The following CDK14 variants were observed in gnomAD, a reference collection of about 807,000 sequenced individuals.
CDK14 encodes cyclin dependent kinase 14, also known as cyclin-dependent kinase 14.
A neutral mutation model predicts 60.7 loss-of-function variants in CDK14; 34 were observed. The ratio of observed to expected loss-of-function variants is 0.56; its 90% CI spans 0.43 to 0.75. The LOEUF (loss-of-function observed/expected upper bound fraction) is 0.75. CDK14 is among the 30% of genes least tolerant of loss of function. The probability of loss-of-function intolerance (pLI) is 0.00; values close to 1 mark genes in which losing one functional copy is unlikely to be tolerated. For missense variants in CDK14, 482 were observed against 564.1 expected, an observed-to-expected ratio of 0.85 and a Z score of 1.47; for synonymous variants, 197 against 203.7, an observed-to-expected ratio of 0.97 and a Z score of 0.28.
intron 14 of CDK14, among the ~76,000 whole-genome samples, chr7:91,123,753 T>C (rs911714916): frequency 1.3e-5 from 2 of 152,072 alleles, no homozygotes; most frequent in Non-Finnish European, 2.9e-5. Context: ...TCAACTCTGA[T>C]CTGTACTGTG....
intron 9 of CDK14, among the ~76,000 whole-genome samples, chr7:90,970,204 G>T (rs1794881900): frequency 2.0e-5 from 3 of 152,052 alleles, no homozygotes; most frequent in Non-Finnish European, 4.4e-5. Flanking sequence ...GACCTCAGGT[G>T]ATCCACCCGC....
chr7:91,084,514 G>A (rs1798575150), intron 12 of CDK14, among the ~76,000 whole-genome samples: 1 of 152,234 alleles, frequency 6.6e-6, no homozygotes, highest in African/African-American at 2.4e-5. Context: ...CACCCTACCA[G>A]TGAGGTTTGT....
At chr7:90,806,582 A>G (rs906606147) in intron 5 of CDK14, among the ~76,000 whole-genome samples, 1 of 152,200 alleles carries the variant, frequency 6.6e-6, no homozygotes, top group Admixed American at 6.5e-5. Context: ...CAACTGAGGT[A>G]CCAGGTTCAT....
chr7:90,704,739 T>C (rs1325482092), intron 2 of CDK14, among the ~76,000 whole-genome samples: 3 of 152,082 alleles, frequency 2.0e-5, no homozygotes, highest in Non-Finnish European at 2.9e-5. Context: ...GCATGACATA[T>C]GGATAGGTTT....
chr7:90,854,369 A>AAAC (rs961960585), intron 5 of CDK14, among the ~76,000 whole-genome samples: 21 of 152,046 alleles, frequency 1.4e-4, no homozygotes, highest in Admixed American at 3.9e-4. Context: ...AGAAACAAAC[A>AAAC]AACAACAACA....
At chr7:91,084,233 T>C (rs1009033580) in intron 12 of CDK14, among the ~76,000 whole-genome samples, 2 of 152,248 alleles carry the variant, frequency 1.3e-5, no homozygotes, top group African/African-American at 4.8e-5. Flanking sequence ...TATCTAATTT[T>C]ATTTTGTTCT....
At chr7:90,995,676 G>A (rs73229177) in intron 10 of CDK14, among the ~76,000 whole-genome samples, 5,238 of 152,280 alleles carry the variant, frequency 0.034, 115 homozygotes, top group South Asian at 0.071. Flanking sequence ...GACATGTTTA[G>A]TGTGTGCCAG....
intron 8 of CDK14, among the ~76,000 whole-genome samples, chr7:90,918,326 T>A (rs1486689565): frequency 6.6e-6 from 1 of 152,238 alleles, no homozygotes; most frequent in Non-Finnish European, 1.5e-5. Context: ...TAGACACTTA[T>A]TACTATTTAA....
At chr7:91,136,419 G>A (rs1584111394) in intron 14 of CDK14, among the ~76,000 whole-genome samples, 1 of 152,074 alleles carries the variant, frequency 6.6e-6, no homozygotes, top group Non-Finnish European at 1.5e-5. Context: ...CTACAGTTTA[G>A]GAAAGTATGT....
intron 3 of CDK14, among the ~76,000 whole-genome samples, chr7:90,739,309 A>G (rs1803254135): frequency 6.6e-6 from 1 of 152,208 alleles, no homozygotes; most frequent in African/African-American, 2.4e-5. Context: ...ATACAACCGT[A>G]GCAGTTAATG....
At chr7:90,905,730 A>AATTAATCATGTAGCT (rs1180287831) in intron 7 of CDK14, among the ~76,000 whole-genome samples, 10 of 152,170 alleles carry the variant, frequency 6.6e-5, no homozygotes, top group Non-Finnish European at 1.2e-4. Context: ...TTAATACATT[A>AATTAATCATGTAGCT]AATTACTGTA....
At chr7:90,694,174 G>T (rs1049708502) in intron 2 of CDK14, among the ~76,000 whole-genome samples, 1 of 152,124 alleles carries the variant, frequency 6.6e-6, no homozygotes, top group African/African-American at 2.4e-5. Flanking sequence ...TTCATTATAT[G>T]ATTTTGTGAA....
chr7:90,597,752 C>G (rs1396929838), intron 1 of CDK14, among the ~76,000 whole-genome samples: 1 of 151,836 alleles, frequency 6.6e-6, no homozygotes, highest in Non-Finnish European at 1.5e-5. Context: ...ATGAGTGTTA[C>G]AGATATCCTT....
intron 6 of CDK14, among the ~76,000 whole-genome samples, chr7:90,877,615 T>G (rs1485480133): frequency 6.6e-6 from 1 of 152,154 alleles, no homozygotes. Context: ...TTTATTACCC[T>G]TTTTACTTGG....
At chr7:90,671,734 A>G (rs760046862) in intron 2 of CDK14, among the ~76,000 whole-genome samples, 62 of 152,338 alleles carry the variant, frequency 4.1e-4, no homozygotes, top group African/African-American at 1.5e-3. Flanking sequence ...CTGATGCTCA[A>G]TGGAATTGTT....
chr7:91,132,914 C>T (rs927436352), intron 14 of CDK14, among the ~76,000 whole-genome samples: 4 of 152,108 alleles, frequency 2.6e-5, no homozygotes, highest in Admixed American at 1.3e-4. Context: ...CAGCATATTA[C>T]AACATGTTTC....
intron 14 of CDK14, among the ~76,000 whole-genome samples, chr7:91,145,522 C>T (rs1469460476): frequency 1.3e-5 from 2 of 152,166 alleles, no homozygotes; most frequent in East Asian, 3.9e-4. Flanking sequence ...CACCCCTTCT[C>T]CCTCAAATTG....
At chr7:91,031,586 A>G (rs572191420) in intron 10 of CDK14, among the ~76,000 whole-genome samples, 1 of 152,330 alleles carries the variant, frequency 6.6e-6, no homozygotes, top group South Asian at 2.1e-4. Flanking sequence ...GGAGGTCAGG[A>G]GATTGCATGG....
At chr7:90,744,798 GGCT>G (rs1803520150) in intron 3 of CDK14, among the ~76,000 whole-genome samples, 1 of 133,350 alleles carries the variant, frequency 7.5e-6, no homozygotes, top group Admixed American at 7.3e-5. Flanking sequence ...CGGACGGGGC[GGCT>G]GGCCGGGCGG....
Sources: gnomAD v4.1 joint callset for allele counts (sites outside exome capture counted in the v4.1 genomes callset) on GRCh38, gnomAD v4.1.1 for gene constraint, MANE v1.5 for transcripts, NCBI Gene and HGNC (gene_info 2026-07-23, HGNC 2026-07-21) for gene names.